FAM149A: variants seen among roughly 807,000 people sequenced by gnomAD.
FAM149A encodes the protein family with sequence similarity 149 member A.
A neutral mutation model predicts 78.2 loss-of-function variants in FAM149A; 71 were observed. The observed-to-expected ratio is 0.91, with a 90% confidence interval of 0.75 to 1.11. The LOEUF is 1.11. Ranked by LOEUF, FAM149A falls within the 50% of genes least tolerant of loss-of-function variation. FAM149A has a pLI of 0.00. For synonymous variants in FAM149A, 446 were observed against 410.5 expected, an observed-to-expected ratio of 1.09 and a Z score of -1.04; for missense variants, 1,036 against 971.0, an observed-to-expected ratio of 1.07 and a Z score of -0.89.
chr4:186,156,354 G>A (rs62350489), intron 7 of FAM149A, among the ~76,000 whole-genome samples, 164 bp downstream of exon 7: 32,343 of 151,374 alleles, frequency 0.21, 4,106 homozygotes, highest in African/African-American at 0.36. Flanking sequence ...CAAAAAGGAC[G>A]CTATTGTTTT....
rs775921104 is a variant in FAM149A, at chr4:186,152,007, C to G, written c.894C>G (p.Ala298=). The G allele has an allele frequency of 6.2e-7, 1 of 1,613,926 alleles. No individual in the cohort carries two copies. Among genetic ancestry groups the G allele is most frequent in the Admixed American group, 1.7e-5 (1 of 59,984 alleles). ...ACCCTCAGACCCAGAGTCTGCTGGC[C>G]GAATGCGGGGAGTGGACAAGAAGAT... Residue 298 remains alanine (A), a synonymous_variant, in exon 4 of 14, where the codon GCC becomes GCG. Coordinates refer to ENST00000389354, the MANE Select transcript of FAM149A (RefSeq NM_001367768.3).
chr4:186,151,132 A>G, intron 3 of FAM149A: 2 of 855,098 alleles, frequency 2.3e-6, no homozygotes, highest in Non-Finnish European at 1.4e-6. Flanking sequence ...TCTGAAAGGG[A>G]CTCAGCTCAG....
At chr4:186,148,871 C>T (rs1473508883) in intron 1 of FAM149A, among the ~76,000 whole-genome samples, 1 of 152,096 alleles carries the variant, frequency 6.6e-6, no homozygotes, top group Admixed American at 6.5e-5. Flanking sequence ...ACTTTTCCTT[C>T]TCTGGCTGAG....
At chr4:186,138,235 TAGTG>T (rs1289637539) in intron 1 of FAM149A, among the ~76,000 whole-genome samples, 1 of 122,214 alleles carries the variant, frequency 8.2e-6, no homozygotes, top group Non-Finnish European at 1.7e-5. Context: ...CAGGATGAGT[TAGTG>T]AGTGAGTGTG....
At chr4:186,145,779 G>A (rs1189600409) in intron 1 of FAM149A, among the ~76,000 whole-genome samples, 1 of 152,192 alleles carries the variant, frequency 6.6e-6, no homozygotes, top group Non-Finnish European at 1.5e-5. Context: ...GCATGTCTAT[G>A]TTTAGAAGCT....
intron 1 of FAM149A, chr4:186,130,293 C>CTCTCTCTCTCTCTCTATATATATA: frequency 1.5e-3 from 69 of 46,556 alleles, no homozygotes; most frequent in East Asian, 3.1e-3. Flanking sequence ...CTCTCTCTCT[C>CTCTCTCTCTCTCTCTATATATATA]TATATATATA....
intron 5 of FAM149A, 114 bp downstream of exon 5, chr4:186,153,884 C>A: frequency 8.6e-7 from 1 of 1,158,904 alleles, no homozygotes; most frequent in Non-Finnish European, 1.2e-6. Context: ...AATTTAGATT[C>A]TGATGAAGGG....
chr4:186,124,182 A>C (rs1339550193), intron 1 of FAM149A: 2 of 985,282 alleles, frequency 2.0e-6, no homozygotes, highest in Non-Finnish European at 2.4e-6. Context: ...ATGCAAAGGC[A>C]CTATATTCCT....
Position 186,164,650 on chromosome 4 carries a change from C to T in FAM149A, c.1890-694C>T, listed in dbSNP as rs78973737. Reference sequence around the variant, plus strand: ...TCCCCCCATGCCAGTCAGCAGCACACGGTGCCAGTCAGCAACACATGGCAG... The same window carrying T: ...TCCCCCCATGCCAGTCAGCAGCACATGGTGCCAGTCAGCAACACATGGCAG... On this transcript the variant is annotated intron_variant, in intron 10 of 13. Coordinates refer to ENST00000389354, the MANE Select transcript of FAM149A (RefSeq NM_001367768.3). The surrounding 1 kb of genome is among the most constrained non-coding windows in gnomAD (Gnocchi z 4.0). 1,397 of 222,518 alleles carry T rather than the reference C, an allele frequency of 6.3e-3. 20 individuals are homozygous for T. The highest frequency in any genetic ancestry group is 0.031 in the African/African-American group (1,305 of 42,732). 13.8% of individuals were successfully genotyped at this position (222,518 alleles called of 1,614,324 possible).
chr4:186,128,539 T>TCTTC (rs2099319338), intron 1 of FAM149A, among the ~76,000 whole-genome samples: 1 of 152,168 alleles, frequency 6.6e-6, no homozygotes, highest in African/African-American at 2.4e-5. Context: ...ATGCTTTCTT[T>TCTTC]CTTCCTTATA....
chr4:186,160,703 TACCACAC>T, intron 8 of FAM149A: 3 of 666,152 alleles, frequency 4.5e-6, no homozygotes, highest in Non-Finnish European at 3.5e-6. Context: ...CCACACACAC[TACCACAC>T]ACCACACACA....
chr4:186,167,489 T>A, intron 13 of FAM149A: 10 of 510,266 alleles, frequency 2.0e-5, no homozygotes, highest in East Asian at 4.2e-5. Flanking sequence ...CCAAAAGCTC[T>A]CAATGAACTG....
chr4:186,129,965 T>C (rs2099319889), intron 1 of FAM149A: 1 of 152,122 alleles, frequency 6.6e-6, no homozygotes, highest in Non-Finnish European at 1.5e-5. Context: ...TGTGAGAAGA[T>C]ATAAGAATTC....
chr4:186,110,289 C>T (rs938431389), intron 1 of FAM149A: 8 of 985,104 alleles, frequency 8.1e-6, no homozygotes, highest in Admixed American at 6.2e-5. Context: ...TTTGTTTCAT[C>T]GTCTTGAGTT....
chr4:186,128,191 G>T (rs141733651), intron 1 of FAM149A, among the ~76,000 whole-genome samples: 1 of 151,914 alleles, frequency 6.6e-6, no homozygotes, highest in Non-Finnish European at 1.5e-5. Context: ...GCTTCACCAT[G>T]TTAGCCAGGC....
intron 1 of FAM149A, chr4:186,123,970 T>A (rs901708048): frequency 2.0e-6 from 2 of 984,972 alleles, no homozygotes; most frequent in African/African-American, 3.5e-5. Context: ...CCATCTTAAC[T>A]AGATAGCTAA....
chr4:186,141,237 T>C (rs967164335), intron 1 of FAM149A, among the ~76,000 whole-genome samples: 1 of 152,224 alleles, frequency 6.6e-6, no homozygotes. Flanking sequence ...AGATACTGGA[T>C]ATTAGACCTT....
chr4:186,144,847 G>A lies in FAM149A; in HGVS notation c.567-4326G>A. 2.0e-6 allele frequency: 2 copies of A among 981,602 alleles called. No individual in the cohort carries two copies. Among genetic ancestry groups the A allele is most frequent in the East Asian group, 1.2e-4 (1 of 8,584 alleles). 60.8% of individuals were successfully genotyped at this position (981,602 alleles called of 1,614,324 possible). ...CGGCGCCGGCGCGGGCGGGGCGGAG[G>A]ATCTGGAGAGGGAAGGGGCGTGCGA... On this transcript the variant is annotated intron_variant, in intron 1 of 13. Coordinates refer to ENST00000389354, the MANE Select transcript of FAM149A (RefSeq NM_001367768.3). The surrounding 1 kb of genome is among the most constrained non-coding windows in gnomAD (Gnocchi z 4.2).
chr4:186,108,813 A>G (rs1439387173), intron 1 of FAM149A, among the ~76,000 whole-genome samples: 2 of 150,124 alleles, frequency 1.3e-5, no homozygotes, highest in African/African-American at 2.4e-5. Flanking sequence ...TTTGAACCAC[A>G]CAATACACCT....
Sources: allele counts gnomAD v4.1 joint callset (sites outside exome capture counted in the v4.1 genomes callset), GRCh38; gene constraint gnomAD v4.1.1; non-coding constraint Gnocchi (gnomAD v3.1); transcripts MANE v1.5; gene names NCBI Gene and HGNC (gene_info 2026-07-23, HGNC 2026-07-21).